The following SSBP2 variants were observed in gnomAD, a reference collection of about 807,000 sequenced individuals.
The protein encoded by SSBP2 is single-stranded DNA-binding protein 2.
SSBP2 carries 17 observed loss-of-function variants against 61.8 expected under a neutral mutation model. That is an observed-to-expected ratio of 0.28 (90% CI 0.19 to 0.41). The LOEUF (loss-of-function observed/expected upper bound fraction) is 0.41, where lower values mean the gene tolerates loss of function less well. Among genes scored for constraint, SSBP2 ranks in the 10% least tolerant of loss-of-function variants. The probability of loss-of-function intolerance (pLI) is 1.00; values close to 1 mark genes in which losing one functional copy is unlikely to be tolerated. For missense variants in SSBP2, 310 were observed against 458.7 expected, an observed-to-expected ratio of 0.68 and a Z score of 2.96; for synonymous variants, 139 against 141.3, an observed-to-expected ratio of 0.98 and a Z score of 0.12.
intron 6 of SSBP2, among the ~76,000 whole-genome samples, chr5:81,488,010 A>AATATATATATATATATATATAT (rs59039206): frequency 5.1e-5 from 2 of 38,932 alleles, no homozygotes; most frequent in South Asian, 1.3e-3. Flanking sequence ...ATGGCCAAAT[A>AATATATATATATATATATATAT]ATATATATAT....
chr5:81,635,436 CCAAT>C (rs2153669938), intron 3 of SSBP2, among the ~76,000 whole-genome samples: 2 of 152,182 alleles, frequency 1.3e-5, no homozygotes, highest in East Asian at 3.9e-4. Context: ...ATAAAAGATG[CCAAT>C]CAGATTATTA....
At chr5:81,594,888 C>T (rs1743546439) in intron 4 of SSBP2, among the ~76,000 whole-genome samples, 1 of 151,830 alleles carries the variant, frequency 6.6e-6, no homozygotes, top group South Asian at 2.1e-4. Flanking sequence ...CAAGAGAAAG[C>T]AGGAAAGATC....
At chr5:81,481,101 C>T (rs185467417) in intron 6 of SSBP2, among the ~76,000 whole-genome samples, 1 of 152,302 alleles carries the variant, frequency 6.6e-6, no homozygotes, top group Non-Finnish European at 1.5e-5. Flanking sequence ...TAGTGACTTC[C>T]TTCACTCAGG....
intron 6 of SSBP2, among the ~76,000 whole-genome samples, chr5:81,485,945 C>T (rs1192640924): frequency 1.3e-5 from 2 of 152,130 alleles, no homozygotes; most frequent in East Asian, 1.9e-4. Flanking sequence ...CTAGGTTAAA[C>T]ATTTCCTAAA....
intron 1 of SSBP2, among the ~76,000 whole-genome samples, chr5:81,747,748 C>T (rs1462273372): frequency 3.3e-5 from 5 of 152,046 alleles, no homozygotes; most frequent in Admixed American, 3.3e-4. Context: ...TATCTCCTAC[C>T]CTCAACAAAC....
intron 4 of SSBP2, among the ~76,000 whole-genome samples, chr5:81,533,781 T>G (rs1025846237): frequency 5.3e-5 from 8 of 152,056 alleles, no homozygotes; most frequent in African/African-American, 1.7e-4. Context: ...AAACCTAAAC[T>G]GTAACTGATT....
At chr5:81,597,558 C>A in intron 4 of SSBP2, among the ~76,000 whole-genome samples, 1 of 152,064 alleles carries the variant, frequency 6.6e-6, no homozygotes, top group South Asian at 2.1e-4. Flanking sequence ...CACATGCACA[C>A]GTATGTTTAC....
rs759188023 is a variant in SSBP2 at position 81,420,413 on chromosome 5, T to C, written c.*91A>G. On this transcript the variant is annotated 3_prime_UTR_variant, in exon 17 of 17. Transcript: ENST00000320672. ...TTGGTGTGACTGAGATTCCTTTGTT[T>C]AACTGTACACTGTGATGAATAATTT... The C allele has an allele frequency of 2.4e-6, 3 of 1,270,596 alleles. No individual in the cohort carries two copies. Among genetic ancestry groups the C allele is most frequent in the Non-Finnish European group, 3.4e-6 (3 of 873,562 alleles). 78.7% of individuals were successfully genotyped at this position (1,270,596 alleles called of 1,614,324 possible).
At chr5:81,603,141 T>C (rs1016405734) in intron 4 of SSBP2, among the ~76,000 whole-genome samples, 8 of 152,234 alleles carry the variant, frequency 5.3e-5, no homozygotes, top group African/African-American at 1.9e-4. Context: ...TTCTCCAGTT[T>C]AGGACTCTGG....
intron 3 of SSBP2, among the ~76,000 whole-genome samples, chr5:81,630,851 G>C (rs1199621264): frequency 1.3e-5 from 2 of 150,948 alleles, no homozygotes; most frequent in African/African-American, 2.4e-5. Context: ...TTAAATTCAT[G>C]AGAAAGCATG....
At position 81,741,728 on chromosome 5, in the gene SSBP2, C is replaced by T. The variant is rs185109923; in HGVS notation, c.62+9253G>A. 2.1e-3 allele frequency among the ~76,000 whole-genome samples: 322 copies of T among 152,298 alleles called. 2 individuals are homozygous for T. Among genetic ancestry groups the T allele is most frequent in the African/African-American group, 7.3e-3 (304 of 41,568 alleles). On this transcript the variant is annotated intron_variant, in intron 1 of 16. Coordinates refer to ENST00000320672, the MANE Select transcript of SSBP2 (RefSeq NM_012446.5). ...CCCAAAACTATCCTAAGTCCCGTAC[C>T]TATCCACTTATGTTACAAAAGCATA...
Position 81,572,084 on chromosome 5 carries a change from C to T in SSBP2, c.282+43389G>A, listed in dbSNP as rs141960873. Among the ~76,000 whole-genome samples, 44 of 152,174 alleles carry T rather than the reference C, an allele frequency of 2.9e-4. No individual in the cohort carries two copies. The Middle Eastern group carries it at 0.01, about 35-fold the overall frequency. ...AACTACAAGTCTCTAACTATAGTACCACACCAGATTCTTAATGAAAAGGGC... is the reference window on the plus strand; with the variant it reads ...AACTACAAGTCTCTAACTATAGTACTACACCAGATTCTTAATGAAAAGGGC... On this transcript the variant is annotated intron_variant, in intron 4 of 16. Transcript: ENST00000320672.
At chr5:81,590,999 G>A (rs1032261828) in intron 4 of SSBP2, among the ~76,000 whole-genome samples, 1 of 152,186 alleles carries the variant, frequency 6.6e-6, no homozygotes, top group African/African-American at 2.4e-5. Flanking sequence ...GTGCAACAGA[G>A]AATGTTGTGT....
At position 81,596,331 on chromosome 5, in the gene SSBP2, A is replaced by C. The variant is rs572890597; in HGVS notation, c.282+19142T>G. 2.7e-3 allele frequency among the ~76,000 whole-genome samples: 379 copies of C among 142,952 alleles called. 1 individual carries two copies. The highest frequency in any genetic ancestry group is 9.9e-3 in the African/African-American group (372 of 37,726). 93.8% of individuals were successfully genotyped at this position (142,952 alleles called of 152,430 possible). A position where few individuals can be genotyped will look rare whatever the true frequency, so the allele number is the denominator to read the frequency against. Reference sequence around the variant, plus strand: ...GAACTACAAACCACTGCTCAACGAAATAAAAGAGGACACAAACAAATGGAA... The same window carrying C: ...GAACTACAAACCACTGCTCAACGAACTAAAAGAGGACACAAACAAATGGAA... On this transcript the variant is annotated intron_variant, in intron 4 of 16. Transcript: ENST00000320672.
intron 1 of SSBP2, among the ~76,000 whole-genome samples, chr5:81,717,520 C>G (rs1366240765): frequency 6.6e-6 from 1 of 152,066 alleles, no homozygotes; most frequent in Non-Finnish European, 1.5e-5. Context: ...AAATCAAATT[C>G]CAGACCCATT....
chr5:81,654,562 T>C (rs1188730760), intron 1 of SSBP2, among the ~76,000 whole-genome samples: 1 of 152,220 alleles, frequency 6.6e-6, no homozygotes, highest in Non-Finnish European at 1.5e-5. Context: ...TCCTCCTTCC[T>C]GCTCTGGAGG....
intron 4 of SSBP2, among the ~76,000 whole-genome samples, chr5:81,520,604 T>C (rs1344492501): frequency 6.6e-6 from 1 of 152,148 alleles, no homozygotes. Context: ...GTAAGATGTA[T>C]TATACAATTT....
intron 4 of SSBP2, among the ~76,000 whole-genome samples, chr5:81,589,538 T>C (rs564418435): frequency 3.9e-5 from 6 of 152,340 alleles, no homozygotes; most frequent in Admixed American, 3.3e-4. Flanking sequence ...AAATTGTTTA[T>C]ATACAATATC....
intron 3 of SSBP2, among the ~76,000 whole-genome samples, chr5:81,625,197 T>C (rs1747025413): frequency 6.6e-6 from 1 of 152,106 alleles, no homozygotes; most frequent in Non-Finnish European, 1.5e-5. Flanking sequence ...GGACTTTTAG[T>C]TTAGGTAAGT....
Sources: gnomAD v4.1 joint callset for allele counts (sites outside exome capture counted in the v4.1 genomes callset) on GRCh38, gnomAD v4.1.1 for gene constraint, MANE v1.5 for transcripts, NCBI Gene and HGNC (gene_info 2026-07-23, HGNC 2026-07-21) for gene names.